ABCA13: variants seen among roughly 807,000 people sequenced by gnomAD.
ABCA13 encodes ATP-binding cassette sub-family A member 13.
Under a neutral mutation model 478.7 loss-of-function variants are expected in ABCA13, and 476 were observed. The ratio of observed to expected loss-of-function variants is 0.99; its 90% CI spans 0.92 to 1.07. The LOEUF (loss-of-function observed/expected upper bound fraction) is 1.07, where lower values mean the gene tolerates loss of function less well. Among genes scored for constraint, ABCA13 ranks in the 50% least tolerant of loss-of-function variants. ABCA13 has a pLI of 0.00. For missense variants in ABCA13, 6,060 were observed against 5,910.6 expected, an observed-to-expected ratio of 1.03 and a Z score of -0.83; for synonymous variants, 2,252 against 2,158.9, an observed-to-expected ratio of 1.04 and a Z score of -1.20.
intron 48 of ABCA13, among the ~76,000 whole-genome samples, chr7:48,496,317 A>G (rs1457152025): frequency 6.6e-6 from 1 of 151,956 alleles, no homozygotes; most frequent in Non-Finnish European, 1.5e-5. Context: ...GTCTACTGAT[A>G]TTGTTATTTA....
chr7:48,423,456 A>G (rs940063675), intron 41 of ABCA13, among the ~76,000 whole-genome samples: 11 of 152,170 alleles, frequency 7.2e-5, no homozygotes, highest in African/African-American at 2.7e-4. Flanking sequence ...AATCCATCAA[A>G]CTGACACTTT....
At chr7:48,231,148 T>A (rs999814189) in intron 7 of ABCA13, among the ~76,000 whole-genome samples, 1 of 151,606 alleles carries the variant, frequency 6.6e-6, no homozygotes, top group African/African-American at 2.4e-5. Flanking sequence ...ATTCTGCACT[T>A]GTATCCCGGA....
intron 59 of ABCA13, among the ~76,000 whole-genome samples, chr7:48,636,779 C>T (rs886704934): frequency 3.3e-5 from 5 of 152,142 alleles, no homozygotes; most frequent in Non-Finnish European, 7.4e-5. Flanking sequence ...GCTGTTTCCC[C>T]TCTTGTGCCC....
chr7:48,273,321 G>A lies in ABCA13; in HGVS notation c.3655G>A (p.Ala1219Thr). Reference protein sequence around the residue: ...ILNLFKNVTQANDFHNWEDFL... With the variant: ...ILNLFKNVTQTNDFHNWEDFL... ...AAATTTGTTTAAAAATGTAACTCAA[G>A]CCAATGACTTCCATAATTGGGAGGA... is the stretch of plus-strand genomic sequence containing the variant. Residue 1219 changes from alanine (A) to threonine (T), a missense_variant, in exon 17 of 62, where the codon GCC becomes ACC. Coordinates refer to ENST00000435803, the MANE Select transcript of ABCA13 (RefSeq NM_152701.5). The A allele has an allele frequency of 6.2e-7, 1 of 1,613,620 alleles. No homozygotes were observed. The highest frequency in any genetic ancestry group is 8.5e-7 in the Non-Finnish European group (1 of 1,179,740).
chr7:48,287,935 T>G, intron 19 of ABCA13, 25 bp from the exon 20 acceptor site: 1 of 1,585,574 alleles, frequency 6.3e-7, no homozygotes, highest in Non-Finnish European at 8.7e-7. Flanking sequence ...CTATTAATTA[T>G]TTCTCTGTGT....
At chr7:48,614,261 T>G (rs1410684915) in intron 58 of ABCA13, among the ~76,000 whole-genome samples, 1 of 151,306 alleles carries the variant, frequency 6.6e-6, no homozygotes, top group African/African-American at 2.4e-5. Context: ...TTAAGATTAT[T>G]CTTATTTTGT....
intron 42 of ABCA13, among the ~76,000 whole-genome samples, chr7:48,433,378 C>T (rs1017629767): frequency 1.0e-4 from 15 of 150,184 alleles, no homozygotes; most frequent in South Asian, 4.2e-4. Flanking sequence ...TCATCTAGGA[C>T]GTTTTTTGGT....
At position 48,412,479 on chromosome 7, in the gene ABCA13, GAC is replaced by G; in HGVS notation, c.12359_12360del (p.Thr4120ArgfsTer14). 1 of 1,613,596 alleles carries G rather than the reference GAC, an allele frequency of 6.2e-7. No homozygotes were observed. The highest frequency in any genetic ancestry group is 8.5e-7 in the Non-Finnish European group (1 of 1,179,822). ...GSELTYTIPK[D>X]TDKACLKGLF... ...TGAGCTGACCTACACCATTCCAAAG[GAC>G]ACAGACAAGGCCTGCTTGAAAGGGC... is the stretch of plus-strand genomic sequence containing the variant. On this transcript the variant is annotated frameshift_variant, in exon 41 of 62. Coordinates refer to ENST00000435803, the MANE Select transcript of ABCA13 (RefSeq NM_152701.5). LOFTEE classifies it high-confidence loss of function.
intron 39 of ABCA13, 127 bp downstream of exon 39, chr7:48,404,006 A>G (rs1385598564): frequency 6.8e-6 from 8 of 1,177,324 alleles, no homozygotes; most frequent in Non-Finnish European, 9.7e-6. Context: ...GAAAAATATA[A>G]ATTTTTAAAA....
intron 52 of ABCA13, among the ~76,000 whole-genome samples, chr7:48,517,811 C>T (rs1563383049): frequency 6.6e-6 from 1 of 152,272 alleles, no homozygotes; most frequent in East Asian, 1.9e-4. Flanking sequence ...CAGTAGTTCC[C>T]AAATGTTTGG....
intron 41 of ABCA13, among the ~76,000 whole-genome samples, chr7:48,416,826 T>C (rs540063790): frequency 6.6e-6 from 1 of 152,032 alleles, no homozygotes; most frequent in East Asian, 1.9e-4. Flanking sequence ...GTCTGCCCCT[T>C]CCCCACTCTC....
At chr7:48,543,256 CA>C (rs1351455734) in intron 55 of ABCA13, among the ~76,000 whole-genome samples, 8 of 151,684 alleles carry the variant, frequency 5.3e-5, no homozygotes, top group African/African-American at 1.9e-4. Flanking sequence ...AAACAAGGAT[CA>C]AATAAGACAA....
intron 53 of ABCA13, among the ~76,000 whole-genome samples, chr7:48,522,102 C>T (rs1269986719): frequency 6.6e-6 from 1 of 152,158 alleles, no homozygotes; most frequent in Non-Finnish European, 1.5e-5. Flanking sequence ...TTCTGTTACG[C>T]CCTCTTTCTC....
chr7:48,274,180 A>G lies in ABCA13; in HGVS notation c.4514A>G (p.Asn1505Ser). Reference protein sequence around the residue: ...DSTKQVRMSINNLTTDFDFAS... With the variant: ...DSTKQVRMSISNLTTDFDFAS... Reference sequence around the variant, plus strand: ...ACAAAGCAAGTAAGGATGAGTATCAACAACTTAACAACAGACTTTGATTTT... The same window carrying G: ...ACAAAGCAAGTAAGGATGAGTATCAGCAACTTAACAACAGACTTTGATTTT... Residue 1505 changes from asparagine (N) to serine (S), a missense_variant, in exon 17 of 62, where the codon AAC becomes AGC. Around this residue, in one of 3 missense-constraint regions of ABCA13, gnomAD observed 4,423 missense variants for 4,309.1 expected, o/e 1.03. Transcript: ENST00000435803. 1 of 1,611,862 alleles carries G rather than the reference A, an allele frequency of 6.2e-7. No homozygotes were observed. The highest frequency in any genetic ancestry group is 8.5e-7 in the Non-Finnish European group (1 of 1,178,626).
intron 59 of ABCA13, among the ~76,000 whole-genome samples, chr7:48,617,391 A>G (rs1792688590): frequency 6.6e-6 from 1 of 152,208 alleles, no homozygotes. Flanking sequence ...GAGATAACTC[A>G]GGAGAAGGCG....
rs757490235 is a variant in ABCA13, at chr7:48,372,397, C to T, written c.11033C>T (p.Ala3678Val). The T allele has an allele frequency of 1.4e-5, 22 of 1,613,720 alleles. No homozygotes were observed. Among genetic ancestry groups the T allele is most frequent in the Non-Finnish European group, 1.6e-5 (19 of 1,179,844 alleles). ...LSAFFSQANT[A>V]ALCTSLVYMI... ...GCATTTTTCAGCCAAGCTAATACAG[C>T]GGCCCTTTGTACCAGCCTGGTGTAC... The change falls in exon 33 of 62, where the codon GCG becomes GTG. Residue 3678 changes from alanine (A) to valine (V), a missense_variant. Coordinates refer to ENST00000435803, the MANE Select transcript of ABCA13 (RefSeq NM_152701.5).
chr7:48,448,138 A>G (rs1180199456), intron 42 of ABCA13, among the ~76,000 whole-genome samples: 4 of 152,196 alleles, frequency 2.6e-5, no homozygotes, highest in South Asian at 2.1e-4. Context: ...CTTGCCTCCC[A>G]AATGTGACCA....
chr7:48,506,555 A>G (rs1489645332), intron 49 of ABCA13, among the ~76,000 whole-genome samples, 165 bp downstream of exon 49: 1 of 152,210 alleles, frequency 6.6e-6, no homozygotes, highest in Admixed American at 6.5e-5. Flanking sequence ...GCAAAGTGTG[A>G]GAAAAACGAC....
At chr7:48,377,104 G>A (rs771330555) in intron 35 of ABCA13, among the ~76,000 whole-genome samples, 6 of 152,006 alleles carry the variant, frequency 3.9e-5, no homozygotes, top group African/African-American at 9.7e-5. Flanking sequence ...CTGTTGTCAC[G>A]GATATGGGGT....
Sources: gnomAD v4.1 joint callset for allele counts (sites outside exome capture counted in the v4.1 genomes callset) on GRCh38, gnomAD v4.1.1 for gene constraint, gnomAD v4.1.1 regional missense constraint, MANE v1.5 for transcripts, NCBI Gene and HGNC (gene_info 2026-07-23, HGNC 2026-07-21) for gene names.